The following JMJD1C variants were observed in gnomAD, a reference collection of about 807,000 sequenced individuals.
The protein encoded by JMJD1C is jumonji domain-containing protein 1C.
Under a neutral mutation model 245.3 loss-of-function variants are expected in JMJD1C, and 31 were observed. The ratio of observed to expected loss-of-function variants is 0.13; its 90% CI spans 0.09 to 0.17. The LOEUF (loss-of-function observed/expected upper bound fraction) is 0.17. JMJD1C is among the 10% of genes least tolerant of loss of function. The pLI is 1.00. For missense variants in JMJD1C, 2,691 were observed against 3,000.2 expected, an observed-to-expected ratio of 0.90 and a Z score of 2.41; for synonymous variants, 1,057 against 1,017.4, an observed-to-expected ratio of 1.04 and a Z score of -0.74.
rs1846835409 is a variant in JMJD1C at position 63,207,874 on chromosome 10, C to T, written c.3795G>A (p.Lys1265=). ...PEPKDSQANF[K]SSSEQSLTEM... Reference sequence around the variant, plus strand: ...CCGTCAAACTCTGTTCTGAAGAACTCTTAAAATTTGCCTGGGAGTCTTTTG... The same window carrying T: ...CCGTCAAACTCTGTTCTGAAGAACTTTTAAAATTTGCCTGGGAGTCTTTTG... Residue 1265 remains lysine (K), a synonymous_variant, in exon 10 of 26, where the codon AAG becomes AAA. Transcript: ENST00000399262. 1 of 1,614,092 alleles carries T rather than the reference C, an allele frequency of 6.2e-7. No individual in the cohort carries two copies. The highest frequency in any genetic ancestry group is 1.1e-5 in the South Asian group (1 of 91,084).
In JMJD1C at chr10:63,354,838, G is replaced by A. The variant is rs187286108; in HGVS notation, c.333+25480C>T. Among the ~76,000 whole-genome samples the A allele has an allele frequency of 3.4e-3, 466 of 136,620 alleles. 3 individuals carry two copies. The highest frequency in any genetic ancestry group is 0.013 in the African/African-American group (450 of 35,498). 89.6% of individuals were successfully genotyped at this position (136,620 alleles called of 152,430 possible). On this transcript the variant is annotated intron_variant, in intron 2 of 25. Coordinates refer to ENST00000399262, the MANE Select transcript of JMJD1C (RefSeq NM_032776.3). ...AAGAACAGCATGGGCAACATGGTGAGATCCCATATCTACTTTAACAAAAAA... is the reference window on the plus strand; with the variant it reads ...AAGAACAGCATGGGCAACATGGTGAAATCCCATATCTACTTTAACAAAAAA...
At chr10:63,327,662 C>G (rs1472792432) in intron 2 of JMJD1C, among the ~76,000 whole-genome samples, 1 of 135,942 alleles carries the variant, frequency 7.4e-6, no homozygotes, top group Admixed American at 7.2e-5. Context: ...ATCAAGGGTA[C>G]ACAGAAAAAA....
chr10:63,423,346 G>A (rs909419113), intron 1 of JMJD1C, among the ~76,000 whole-genome samples: 3 of 152,002 alleles, frequency 2.0e-5, no homozygotes, highest in African/African-American at 7.3e-5. Context: ...CCATCCCCTG[G>A]TAATCACTAA....
chr10:63,394,605 G>A (rs1041190633), intron 1 of JMJD1C, among the ~76,000 whole-genome samples: 2 of 152,172 alleles, frequency 1.3e-5, no homozygotes, highest in African/African-American at 4.8e-5. Flanking sequence ...AGCACTTTGG[G>A]AGGCTGAGGC....
chr10:63,294,097 A>C (rs1029855413), intron 2 of JMJD1C, among the ~76,000 whole-genome samples: 7 of 152,082 alleles, frequency 4.6e-5, no homozygotes, highest in Non-Finnish European at 8.8e-5. Context: ...AAGATATCCT[A>C]ATCATCTTCA....
rs1301520007 is a variant in JMJD1C at position 63,376,789 on chromosome 10, T to G, written c.333+3529A>C. ...AAATGAAAGTAAATGTTGGTGAGGATGTAAAGAAACTGGAACCCTTACACA... is the reference window on the plus strand; with the variant it reads ...AAATGAAAGTAAATGTTGGTGAGGAGGTAAAGAAACTGGAACCCTTACACA... On this transcript the variant is annotated intron_variant, in intron 2 of 25. Coordinates refer to ENST00000399262, the MANE Select transcript of JMJD1C (RefSeq NM_032776.3). 5.9e-5 allele frequency among the ~76,000 whole-genome samples: 9 copies of G among 152,152 alleles called. No individual in the cohort carries two copies. The East Asian group carries it at 1.3e-3, about 23-fold the overall frequency.
At chr10:63,200,098 T>C (rs1049961810) in intron 11 of JMJD1C, among the ~76,000 whole-genome samples, 6 of 152,194 alleles carry the variant, frequency 3.9e-5, no homozygotes, top group African/African-American at 1.4e-4. Context: ...GTCTGGGTTA[T>C]CCAGCTATTC....
chr10:63,192,877 C>T (rs1465567652), intron 16 of JMJD1C, 61 bp downstream of exon 16: 5 of 1,209,354 alleles, frequency 4.1e-6, no homozygotes, highest in Admixed American at 1.7e-5. Context: ...TACAATAGTA[C>T]ATTGTTGGTT....
chr10:63,269,054 G>A (rs952873909), intron 2 of JMJD1C: 9 of 985,256 alleles, frequency 9.1e-6, no homozygotes, highest in Admixed American at 6.2e-5. Flanking sequence ...TGCATCCTCC[G>A]ATCTGGGTCA....
At position 63,200,630 on chromosome 10, in the gene JMJD1C, G is replaced by A. The variant is rs372791018; in HGVS notation, c.5122C>T (p.Leu1708=). 184 of 1,613,924 alleles carry A rather than the reference G, an allele frequency of 1.1e-4. No individual in the cohort carries two copies. Among genetic ancestry groups the A allele is most frequent in the Middle Eastern group, 1.6e-4 (1 of 6,082 alleles). Residue 1708 remains leucine, a synonymous_variant, in exon 11 of 26, where the codon CTG becomes TTG. Transcript: ENST00000399262. The part of the protein sequence containing the change: ...VLKDWRKVKK[L]KQTGESFLQD... ...AAAAAGGATTCCCCAGTTTGCTTCAGCTTCTTGACTTTACGCCAATCTTTC... is the reference window on the plus strand; with the variant it reads ...AAAAAGGATTCCCCAGTTTGCTTCAACTTCTTGACTTTACGCCAATCTTTC...
chr10:63,271,534 T>G (rs1856297114), intron 2 of JMJD1C, among the ~76,000 whole-genome samples: 1 of 152,080 alleles, frequency 6.6e-6, no homozygotes, highest in South Asian at 2.1e-4. Context: ...TTTCAGTAAA[T>G]CTAAAAATTC....
chr10:63,427,893 G>C, intron 1 of JMJD1C: 1 of 755,252 alleles, frequency 1.3e-6, no homozygotes, highest in Non-Finnish European at 2.4e-6. Flanking sequence ...CTACAGAGAA[G>C]GCAAGGACCT....
chr10:63,431,664 C>G (rs1037618750), intron 1 of JMJD1C, among the ~76,000 whole-genome samples: 2 of 152,204 alleles, frequency 1.3e-5, no homozygotes, highest in Non-Finnish European at 2.9e-5. Flanking sequence ...TAGGGGCAAA[C>G]TAAGGTGATA....
In JMJD1C at chr10:63,206,913, A is replaced by G. The variant is rs767274927; in HGVS notation, c.4756T>C (p.Leu1586=). Residue 1586 remains leucine (L), a synonymous_variant, in exon 10 of 26, where the codon TTA becomes CTA. Coordinates refer to ENST00000399262, the MANE Select transcript of JMJD1C (RefSeq NM_032776.3). ...ATATCACTAGATGTAGAGGCTATTA[A>G]GTTGACAGAACATGGCTTAATAATT... is the stretch of plus-strand genomic sequence containing the variant. ...SEIIKPCSVN[L]IASTSSDIQN... 8 of 1,611,290 alleles carry G rather than the reference A, an allele frequency of 5.0e-6. No homozygotes were observed. The East Asian group carries it at 1.6e-4, about 31-fold the overall frequency.
chr10:63,447,664 G>C (rs946878426), intron 1 of JMJD1C, among the ~76,000 whole-genome samples: 19 of 151,908 alleles, frequency 1.3e-4, no homozygotes, highest in Middle Eastern at 6.8e-3. Flanking sequence ...ATTTTCTATG[G>C]TTTTGTGGCA....
chr10:63,438,070 T>C (rs1951158878), intron 1 of JMJD1C, among the ~76,000 whole-genome samples: 1 of 152,146 alleles, frequency 6.6e-6, no homozygotes, highest in African/African-American at 2.4e-5. Flanking sequence ...CCTAGACCTC[T>C]CCCTTTAACT....
At chr10:63,367,291 C>A (rs921815210) in intron 2 of JMJD1C, among the ~76,000 whole-genome samples, 1 of 151,816 alleles carries the variant, frequency 6.6e-6, no homozygotes, top group African/African-American at 2.4e-5. Flanking sequence ...TTCTTATTGC[C>A]CAGGCTGGGG....
rs895124245 is a variant in JMJD1C, at chr10:63,429,734, AAAG to A, written c.168+35758_168+35760del. On this transcript the variant is annotated intron_variant, in intron 1 of 25. Coordinates refer to ENST00000399262, the MANE Select transcript of JMJD1C (RefSeq NM_032776.3). ...CAATCAAAATAAAAAACCAAAGCAA[AAAG>A]AAGAATCATCACTATGCCTCTTATT... is the stretch of plus-strand genomic sequence containing the variant. Among the ~76,000 whole-genome samples, 35 of 152,352 alleles carry A rather than the reference AAAG, an allele frequency of 2.3e-4. 2 individuals are homozygous for A. Among genetic ancestry groups the A allele is most frequent in the East Asian group, 1.7e-3 (9 of 5,196 alleles).
intron 2 of JMJD1C, among the ~76,000 whole-genome samples, chr10:63,288,926 A>AATAATG (rs1282134836): frequency 7.1e-5 from 8 of 112,522 alleles, no homozygotes; most frequent in Admixed American, 2.4e-4. Context: ...TAATAATAAT[A>AATAATG]ATGATAATAA....
Sources: gnomAD v4.1 joint callset for allele counts (sites outside exome capture counted in the v4.1 genomes callset) on GRCh38, gnomAD v4.1.1 for gene constraint, MANE v1.5 for transcripts, NCBI Gene and HGNC (gene_info 2026-07-23, HGNC 2026-07-21) for gene names.